TTC39C: variants seen among roughly 807,000 people sequenced by gnomAD.
The protein encoded by TTC39C is tetratricopeptide repeat domain 39C.
Under a neutral mutation model 76.3 loss-of-function variants are expected in TTC39C, and 33 were observed. That is an observed-to-expected ratio of 0.43 (90% CI 0.33 to 0.58). The LOEUF (loss-of-function observed/expected upper bound fraction) is 0.58. Ranked by LOEUF, TTC39C falls within the 20% of genes least tolerant of loss-of-function variation. The pLI is 0.04. For synonymous variants in TTC39C, 254 were observed against 260.6 expected (o/e 0.97, Z 0.24); for missense variants, 595 against 701.4 (o/e 0.85, Z 1.71).
At chr18:24,068,955 C>T (rs952379927) in intron 3 of TTC39C, among the ~76,000 whole-genome samples, 2 of 152,140 alleles carry the variant, frequency 1.3e-5, no homozygotes, top group African/African-American at 4.8e-5. Flanking sequence ...CTTTGAGTTA[C>T]AGTGCTCAAA....
chr18:24,069,404 T>A lies in TTC39C; in HGVS notation c.460+133T>A, dbSNP rs931701265. 9 of 723,940 alleles carry A rather than the reference T, an allele frequency of 1.2e-5. No individual in the cohort carries two copies. In the African/African-American group the frequency reaches 1.6e-4, roughly 13 times the overall value. The allele number at this position is 723,940 out of a possible 1,614,324, so 44.8% of individuals were successfully genotyped here. Reference sequence around the variant, plus strand: ...CTCTTTGGGGCATGATACTGATTTATTACTGGGGAAATTGAAACCACAAGT... The same window carrying A: ...CTCTTTGGGGCATGATACTGATTTAATACTGGGGAAATTGAAACCACAAGT... On this transcript the variant is annotated intron_variant, in intron 4 of 13. Coordinates refer to ENST00000317571, the MANE Select transcript of TTC39C (RefSeq NM_001135993.2).
rs2085175892 is a variant in TTC39C at position 24,134,443 on chromosome 18, T to G, written c.*1869T>G. The G allele has an allele frequency of 6.6e-6, 1 of 151,744 alleles. No individual in the cohort carries two copies. Among genetic ancestry groups the G allele is most frequent in the South Asian group, 2.1e-4 (1 of 4,794 alleles). The allele number at this position is 151,744 out of a possible 1,614,324, so 9.4% of individuals were successfully genotyped here. The stretch of plus-strand genomic sequence containing the variant: ...CACCCGCAACCACACCCGGCTAATT[T>G]TTTTTGTATTTTTAGTAGAGATGGG... On this transcript the variant is annotated 3_prime_UTR_variant, in exon 14 of 14. Transcript: ENST00000317571.
intron 6 of TTC39C, among the ~76,000 whole-genome samples, chr18:24,084,652 C>A (rs1312792765): frequency 1.3e-5 from 2 of 151,844 alleles, no homozygotes; most frequent in Non-Finnish European, 2.9e-5. Context: ...TTTTCTCTCA[C>A]TGTTTTTTTT....
chr18:23,995,777 G>A (rs2083256630), intron 1 of TTC39C, among the ~76,000 whole-genome samples: 1 of 152,044 alleles, frequency 6.6e-6, no homozygotes, highest in Non-Finnish European at 1.5e-5. Context: ...GGCTGAGGTG[G>A]GAGGATCGCT....
chr18:24,045,928 T>TATATATATATA (rs1251153059), intron 1 of TTC39C, among the ~76,000 whole-genome samples: 6 of 22,908 alleles, frequency 2.6e-4, no homozygotes, highest in African/African-American at 3.7e-4. Context: ...TATATATATA[T>TATATATATATA]TTTTTTTTTT....
chr18:23,995,494 T>C (rs1467697242), intron 1 of TTC39C, among the ~76,000 whole-genome samples: 1 of 151,996 alleles, frequency 6.6e-6, no homozygotes, highest in Non-Finnish European at 1.5e-5. Flanking sequence ...AATGGAATCA[T>C]ACAGTGTGTA....
intron 1 of TTC39C, among the ~76,000 whole-genome samples, chr18:24,026,056 G>A (rs1476893843): frequency 6.6e-6 from 1 of 152,284 alleles, no homozygotes; most frequent in African/African-American, 2.4e-5. Context: ...AGCCCAAACA[G>A]CTCCAGAAAA....
intron 6 of TTC39C, among the ~76,000 whole-genome samples, chr18:24,083,411 GA>G (rs1393160248): frequency 2.0e-5 from 3 of 152,076 alleles, no homozygotes; most frequent in African/African-American, 4.8e-5. Flanking sequence ...TTCCCTCTCT[GA>G]ATTACTAATA....
intron 1 of TTC39C, among the ~76,000 whole-genome samples, chr18:24,030,192 T>A (rs9958925): frequency 0.07 from 10,683 of 152,230 alleles, 1,151 homozygotes; most frequent in African/African-American, 0.23. Flanking sequence ...ATGTCCTCTT[T>A]GTGAATTGCT....
chr18:24,067,011 A>T lies in TTC39C; in HGVS notation c.345+871A>T, dbSNP rs569918729. 3.9e-5 allele frequency among the ~76,000 whole-genome samples: 6 copies of T among 152,342 alleles called. No homozygotes were observed. The East Asian group carries it at 1.2e-3, about 29-fold the overall frequency. On this transcript the variant is annotated intron_variant, in intron 3 of 13. Transcript: ENST00000317571. ...TTTGGAACAACAGTGACCACGATGG[A>T]TTATGCTAAAATCTAGAAAAAAGGG...
chr18:24,083,964 A>G (rs1394942222), intron 6 of TTC39C, among the ~76,000 whole-genome samples: 1 of 152,196 alleles, frequency 6.6e-6, no homozygotes, highest in African/African-American at 2.4e-5. Flanking sequence ...CTGAGAAATC[A>G]GCCCCCATGA....
chr18:24,095,721 A>G (rs1230044997), intron 6 of TTC39C, among the ~76,000 whole-genome samples: 1 of 152,158 alleles, frequency 6.6e-6, no homozygotes, highest in Non-Finnish European at 1.5e-5. Flanking sequence ...AAACAAAAAA[A>G]AACTTTTCCT....
intron 5 of TTC39C, among the ~76,000 whole-genome samples, chr18:24,082,080 C>T (rs1173632734): frequency 9.6e-5 from 14 of 145,402 alleles, no homozygotes; most frequent in Non-Finnish European, 1.6e-4. Context: ...TGCAGTGGCG[C>T]GATCTCGGCT....
chr18:24,089,746 A>G (rs535764624), intron 6 of TTC39C, among the ~76,000 whole-genome samples: 2 of 152,298 alleles, frequency 1.3e-5, no homozygotes, highest in African/African-American at 4.8e-5. Flanking sequence ...GGTAGGGGGC[A>G]AAAGCATAAT....
At chr18:24,108,874 C>T (rs1240018063) in intron 6 of TTC39C, among the ~76,000 whole-genome samples, 1 of 152,120 alleles carries the variant, frequency 6.6e-6, no homozygotes, top group Non-Finnish European at 1.5e-5. Flanking sequence ...GGAATTTCTC[C>T]TGGTGAGTCT....
chr18:24,100,508 C>CA (rs1370040889), intron 6 of TTC39C, among the ~76,000 whole-genome samples: 3 of 152,220 alleles, frequency 2.0e-5, no homozygotes, highest in Non-Finnish European at 4.4e-5. Context: ...GAGGCGTGTG[C>CA]AGCACAAGGC....
intron 1 of TTC39C, among the ~76,000 whole-genome samples, chr18:24,042,976 G>A (rs1241752588): frequency 6.6e-6 from 1 of 152,162 alleles, no homozygotes; most frequent in Non-Finnish European, 1.5e-5. Context: ...TTCAGTGCCT[G>A]CAGAGCAGTA....
chr18:24,060,700 T>G (rs1298457263), intron 1 of TTC39C, among the ~76,000 whole-genome samples: 2 of 152,224 alleles, frequency 1.3e-5, no homozygotes, highest in African/African-American at 4.8e-5. Context: ...ATTTCATCCT[T>G]TTTCCTATGC....
chr18:24,044,291 A>G (rs1428066106), intron 1 of TTC39C, among the ~76,000 whole-genome samples: 1 of 152,154 alleles, frequency 6.6e-6, no homozygotes, highest in Non-Finnish European at 1.5e-5. Context: ...TGGGGTGGTT[A>G]AGGGCTTGCA....
Sources: allele counts gnomAD v4.1 joint callset (sites outside exome capture counted in the v4.1 genomes callset), GRCh38; gene constraint gnomAD v4.1.1; transcripts MANE v1.5; gene names NCBI Gene and HGNC (gene_info 2026-07-23, HGNC 2026-07-21).